CDC42BPA: variants seen among roughly 807,000 people sequenced by gnomAD.
CDC42BPA encodes the protein CDC42 binding protein kinase alpha.
A neutral mutation model predicts 223.5 loss-of-function variants in CDC42BPA; 80 were observed. The observed-to-expected ratio is 0.36, with a 90% CI of 0.30 to 0.43. The LOEUF is 0.43. CDC42BPA is among the 20% of genes least tolerant of loss of function. The pLI is 1.00. For missense variants in CDC42BPA, 1,743 were observed against 2,099.9 expected, an observed-to-expected ratio of 0.83 and a Z score of 3.32; for synonymous variants, 694 against 718.6, an observed-to-expected ratio of 0.97 and a Z score of 0.55.
At chr1:227,102,835 A>G (rs1009964145) in intron 14 of CDC42BPA, among the ~76,000 whole-genome samples, 2 of 152,164 alleles carry the variant, frequency 1.3e-5, no homozygotes, top group African/African-American at 2.4e-5. Context: ...ATTAAATTTT[A>G]AAATCCAAAT....
chr1:227,143,151 G>T, intron 8 of CDC42BPA, 127 bp from the exon 9 acceptor site: 1 of 476,924 alleles, frequency 2.1e-6, no homozygotes, highest in Non-Finnish European at 3.5e-6. Flanking sequence ...TAAAACACTG[G>T]TAAGTTTGGT....
chr1:227,108,854 G>C (rs367911270), intron 14 of CDC42BPA, among the ~76,000 whole-genome samples: 63 of 152,232 alleles, frequency 4.1e-4, no homozygotes, highest in African/African-American at 1.5e-3. Flanking sequence ...CACAAACCTA[G>C]ATGGTACAGC....
intron 21 of CDC42BPA, among the ~76,000 whole-genome samples, chr1:227,064,596 C>T (rs1676591429): frequency 6.6e-6 from 1 of 151,968 alleles, no homozygotes; most frequent in Non-Finnish European, 1.5e-5. Context: ...CTGTTTATTA[C>T]CTAGAGAAAG....
In CDC42BPA at chr1:227,017,013, A is replaced by G; in HGVS notation, c.4653T>C (p.Asn1551=). 6.2e-7 allele frequency: 1 copy of G among 1,613,526 alleles called. No homozygotes were observed. ...TGTTTCTAACCATTTGTTTCCGACT[A>G]TTATCTGATGTTTCAGGTACTACCA... ...DELVVPETSD[N]SRKQMVRNIN... is the part of the protein sequence containing the mutation. The change falls in exon 33 of 37, where the codon AAT becomes AAC. Residue 1551 remains asparagine (N), a synonymous_variant. Transcript: ENST00000366766.
chr1:227,245,409 G>A (rs181040149), intron 2 of CDC42BPA, among the ~76,000 whole-genome samples: 40 of 149,088 alleles, frequency 2.7e-4, no homozygotes, highest in Admixed American at 2.4e-3. Flanking sequence ...TCCTGTCTCA[G>A]CCTCCCGAGT....
At chr1:227,234,308 A>G (rs1326772120) in intron 2 of CDC42BPA, 1 of 152,262 alleles carries the variant, frequency 6.6e-6, no homozygotes, top group Non-Finnish European at 1.5e-5. Context: ...TTTCCTGGAT[A>G]GATCCAAGCT....
chr1:227,054,265 A>C (rs532440347), intron 21 of CDC42BPA, among the ~76,000 whole-genome samples: 5 of 152,360 alleles, frequency 3.3e-5, no homozygotes, highest in African/African-American at 1.2e-4. Context: ...TTATTTCAAA[A>C]ACTCTTTAAA....
intron 2 of CDC42BPA, among the ~76,000 whole-genome samples, chr1:227,239,760 C>T (rs1679706671): frequency 6.6e-6 from 1 of 152,178 alleles, no homozygotes. Context: ...AAGACAATAT[C>T]TTCAATCAGA....
intron 14 of CDC42BPA, among the ~76,000 whole-genome samples, chr1:227,106,303 T>C (rs960076661): frequency 2.0e-5 from 3 of 152,158 alleles, no homozygotes; most frequent in Non-Finnish European, 2.9e-5. Context: ...CTTTCTGTTG[T>C]TGAGCTGTAG....
intron 30 of CDC42BPA, among the ~76,000 whole-genome samples, chr1:227,026,872 T>C (rs1377873850): frequency 6.6e-6 from 1 of 152,170 alleles, no homozygotes; most frequent in Non-Finnish European, 1.5e-5. Flanking sequence ...TGGAGTGCAA[T>C]GGCATGATCA....
intron 11 of CDC42BPA, among the ~76,000 whole-genome samples, chr1:227,125,611 A>C (rs1328802187): frequency 1.3e-5 from 2 of 151,268 alleles, no homozygotes; most frequent in African/African-American, 4.9e-5. Flanking sequence ...TTAAAAAAAA[A>C]AAAAAAAAAA....
chr1:227,295,572 A>G (rs1040084445), intron 1 of CDC42BPA, among the ~76,000 whole-genome samples: 1 of 152,252 alleles, frequency 6.6e-6, no homozygotes, highest in East Asian at 1.9e-4. Flanking sequence ...TGTAGTAGGA[A>G]AAGTGTATAA....
At chr1:227,243,803 TCTC>T (rs1183024013) in intron 2 of CDC42BPA, among the ~76,000 whole-genome samples, 1 of 150,580 alleles carries the variant, frequency 6.6e-6, no homozygotes, top group African/African-American at 2.4e-5. Context: ...CGTGTGCACA[TCTC>T]CAACAACAGA....
intron 5 of CDC42BPA, among the ~76,000 whole-genome samples, chr1:227,187,701 A>C (rs1669061483): frequency 7.6e-6 from 1 of 131,464 alleles, no homozygotes; most frequent in Non-Finnish European, 1.6e-5. Flanking sequence ...AAAAAAAAAA[A>C]CTATACCTAG....
intron 1 of CDC42BPA, among the ~76,000 whole-genome samples, chr1:227,270,855 G>A (rs1685848644): frequency 2.6e-5 from 4 of 152,106 alleles, no homozygotes; most frequent in Non-Finnish European, 5.9e-5. Context: ...TCTGGCTTAT[G>A]TCACTAGGCA....
intron 3 of CDC42BPA, among the ~76,000 whole-genome samples, chr1:227,200,698 AAG>A (rs1475671590): frequency 6.6e-6 from 1 of 152,158 alleles, no homozygotes; most frequent in Non-Finnish European, 1.5e-5. Context: ...ACAAATGTGC[AAG>A]AGTTTCTCCA....
At chr1:227,256,948 GACACACACAC>G (rs55961981) in intron 1 of CDC42BPA, among the ~76,000 whole-genome samples, 196 of 141,098 alleles carry the variant, frequency 1.4e-3, no homozygotes, top group Middle Eastern at 7.1e-3. Context: ...TATATATACA[GACACACACAC>G]ACACACACAC....
intron 12 of CDC42BPA, among the ~76,000 whole-genome samples, chr1:227,119,602 T>G (rs1558538531): frequency 6.6e-6 from 1 of 152,084 alleles, no homozygotes; most frequent in Non-Finnish European, 1.5e-5. Context: ...GATTCTGAAC[T>G]TTCAAGCTTC....
At chr1:227,064,968 G>A (rs1319809353) in intron 21 of CDC42BPA, among the ~76,000 whole-genome samples, 1 of 151,944 alleles carries the variant, frequency 6.6e-6, no homozygotes. Flanking sequence ...GTGGTGGTGG[G>A]CACCTGTGGT....
Sources: allele counts gnomAD v4.1 joint callset (sites outside exome capture counted in the v4.1 genomes callset), GRCh38; gene constraint gnomAD v4.1.1; transcripts MANE v1.5; gene names NCBI Gene and HGNC (gene_info 2026-07-23, HGNC 2026-07-21).